The following SLC44A5 variants were observed in gnomAD, a reference collection of about 807,000 sequenced individuals.
The protein encoded by SLC44A5 is choline transporter-like protein 5.
SLC44A5 carries 57 observed loss-of-function variants against 101.8 expected under a neutral mutation model. The ratio of observed to expected loss-of-function variants is 0.56; its 90% CI spans 0.45 to 0.70. The LOEUF (loss-of-function observed/expected upper bound fraction) is 0.70. SLC44A5 is among the 30% of genes least tolerant of loss of function. The probability of loss-of-function intolerance (pLI) is 0.00; values close to 1 mark genes in which losing one functional copy is unlikely to be tolerated. For synonymous variants in SLC44A5, 281 were observed against 290.9 expected (o/e 0.97, Z 0.35); for missense variants, 737 against 853.1 (o/e 0.86, Z 1.70).
chr1:75,545,443 C>G (rs892055914), intron 1 of SLC44A5, among the ~76,000 whole-genome samples: 4 of 151,914 alleles, frequency 2.6e-5, no homozygotes, highest in Admixed American at 6.6e-5. Context: ...AAAGAATGTC[C>G]CTTTGGTTCT....
At chr1:75,358,679 T>A (rs1414524628) in intron 3 of SLC44A5, among the ~76,000 whole-genome samples, 1 of 152,170 alleles carries the variant, frequency 6.6e-6, no homozygotes, top group Non-Finnish European at 1.5e-5. Context: ...CCAAAATTTA[T>A]TTTTTGTAAT....
intron 2 of SLC44A5, among the ~76,000 whole-genome samples, chr1:75,399,842 A>T (rs563535170): frequency 6.6e-6 from 1 of 152,292 alleles, no homozygotes; most frequent in South Asian, 2.1e-4. Context: ...TGCTTTTATA[A>T]GCAATCTACA....
chr1:75,351,698 A>C (rs189731269), intron 3 of SLC44A5, among the ~76,000 whole-genome samples: 44 of 152,118 alleles, frequency 2.9e-4, no homozygotes, highest in Non-Finnish European at 7.4e-5. Context: ...GTTCTTGAGG[A>C]TGGAACTAGA....
intron 2 of SLC44A5, among the ~76,000 whole-genome samples, chr1:75,438,019 C>G (rs1195669480): frequency 6.6e-6 from 1 of 152,072 alleles, no homozygotes; most frequent in African/African-American, 2.4e-5. Context: ...GATTAGCCCC[C>G]AGAGTGAGCC....
intron 3 of SLC44A5, among the ~76,000 whole-genome samples, chr1:75,392,289 T>C (rs749704368): frequency 6.6e-6 from 1 of 152,160 alleles, no homozygotes; most frequent in Non-Finnish European, 1.5e-5. Context: ...AAAGGTCTAA[T>C]ATCCAGAATC....
chr1:75,493,391 G>A (rs1454413583), intron 2 of SLC44A5, among the ~76,000 whole-genome samples: 1 of 152,124 alleles, frequency 6.6e-6, no homozygotes, highest in Non-Finnish European at 1.5e-5. Flanking sequence ...GTGAATACAT[G>A]TGTATCATCA....
intron 4 of SLC44A5, among the ~76,000 whole-genome samples, chr1:75,324,874 A>G (rs1440316672): frequency 1.3e-5 from 2 of 152,184 alleles, no homozygotes; most frequent in East Asian, 3.8e-4. Context: ...AATACCAAAG[A>G]ATAACAACAA....
At chr1:75,218,837 A>G in intron 16 of SLC44A5, 85 bp from the exon 17 acceptor site, 1 of 1,300,596 alleles carries the variant, frequency 7.7e-7, no homozygotes, top group Admixed American at 2.2e-5. Context: ...CTTCCCCTTA[A>G]TTGCATATCC....
intron 2 of SLC44A5, among the ~76,000 whole-genome samples, chr1:75,483,338 C>G (rs1286345590): frequency 2.0e-5 from 3 of 151,960 alleles, no homozygotes; most frequent in Admixed American, 6.6e-5. Flanking sequence ...AAGTTCTAAA[C>G]CTCAAAAAAA....
At chr1:75,624,556 G>A in the SLC44A5 span, among the ~76,000 whole-genome samples, 25 of 152,082 alleles carry the variant, frequency 1.6e-4, no homozygotes, top group Admixed American at 1.6e-3. Context: ...ATCTCTCTAG[G>A]GGAGGTCAGT....
At chr1:75,480,986 C>G (rs945703634) in intron 2 of SLC44A5, among the ~76,000 whole-genome samples, 1 of 152,170 alleles carries the variant, frequency 6.6e-6, no homozygotes, top group Non-Finnish European at 1.5e-5. Context: ...AGGCATCACA[C>G]TACCTGACTT....
intron 2 of SLC44A5, among the ~76,000 whole-genome samples, chr1:75,437,893 T>G (rs942911029): frequency 2.1e-4 from 32 of 152,074 alleles, no homozygotes; most frequent in African/African-American, 7.5e-4. Flanking sequence ...AGGGGAGAGA[T>G]AAATTTTGTG....
chr1:75,251,372 T>A, intron 6 of SLC44A5, 78 bp from the exon 7 acceptor site: 3 of 1,175,874 alleles, frequency 2.6e-6, no homozygotes, highest in Non-Finnish European at 3.7e-6. Flanking sequence ...ACACTTTTTA[T>A]AAATAACCTT....
chr1:75,679,447 G>A, the SLC44A5 span, among the ~76,000 whole-genome samples: 1 of 152,014 alleles, frequency 6.6e-6, no homozygotes, highest in Non-Finnish European at 1.5e-5. Context: ...AAGAGAGTGG[G>A]GGCCAATATT....
chr1:75,248,282 G>C (rs1476909711), intron 7 of SLC44A5, among the ~76,000 whole-genome samples: 1 of 152,026 alleles, frequency 6.6e-6, no homozygotes, highest in Admixed American at 6.6e-5. Flanking sequence ...GAGGATGAAT[G>C]ATCAAGCCAT....
At chr1:75,470,879 G>A (rs529987211) in intron 2 of SLC44A5, among the ~76,000 whole-genome samples, 104 of 152,240 alleles carry the variant, frequency 6.8e-4, no homozygotes, top group African/African-American at 2.4e-3. Context: ...CTAGAACAAT[G>A]GATAGCTACC....
At chr1:75,338,683 A>C (rs1657633964) in intron 4 of SLC44A5, among the ~76,000 whole-genome samples, 1 of 152,202 alleles carries the variant, frequency 6.6e-6, no homozygotes, top group South Asian at 2.1e-4. Flanking sequence ...CCTTTAAATG[A>C]GTAACCTGAA....
At chr1:75,352,009 A>T (rs1658713735) in intron 3 of SLC44A5, among the ~76,000 whole-genome samples, 1 of 152,106 alleles carries the variant, frequency 6.6e-6, no homozygotes. Flanking sequence ...AAATCAAAAG[A>T]ACCTTGAAGC....
chr1:75,279,290 A>G (rs998641274), intron 5 of SLC44A5, among the ~76,000 whole-genome samples: 1 of 152,122 alleles, frequency 6.6e-6, no homozygotes, highest in Non-Finnish European at 1.5e-5. Flanking sequence ...ATGTTAGAAC[A>G]GAATTTCTAG....
Sources: allele counts gnomAD v4.1 joint callset (sites outside exome capture counted in the v4.1 genomes callset), GRCh38; gene constraint gnomAD v4.1.1; transcripts MANE v1.5; gene names NCBI Gene and HGNC (gene_info 2026-07-23, HGNC 2026-07-21).